SPTBN1: variants seen among roughly 807,000 people sequenced by gnomAD.
SPTBN1 encodes the protein spectrin beta, non-erythrocytic 1, also known as spectrin beta chain, non-erythrocytic 1.
Under a neutral mutation model 266.4 loss-of-function variants are expected in SPTBN1, and 32 were observed. That is an observed-to-expected ratio of 0.12 (90% CI 0.09 to 0.16). SPTBN1 has a LOEUF of 0.16. SPTBN1 is among the 10% of genes least tolerant of loss of function. The pLI, the probability that SPTBN1 is intolerant of heterozygous loss-of-function variation, is 1.00. For missense variants in SPTBN1, 2,296 were observed against 3,067.1 expected, an observed-to-expected ratio of 0.75 and a Z score of 5.94; for synonymous variants, 1,336 against 1,162.2, an observed-to-expected ratio of 1.15 and a Z score of -3.04.
In SPTBN1 at chr2:54,621,437, C is replaced by T. The variant is rs1677988667; in HGVS notation, c.801C>T (p.Ile267=). 1 of 1,613,948 alleles carries T rather than the reference C, an allele frequency of 6.2e-7. No individual in the cohort carries two copies. The highest frequency in any genetic ancestry group is 1.7e-5 in the Admixed American group (1 of 60,008). Residue 267 remains isoleucine, a synonymous_variant, in exon 8 of 36, where the codon ATC becomes ATT. Transcript: ENST00000356805. ...ACCATCCTGATGAGAAGTCCATAAT[C>T]ACTTATGTGGTGACTTATTACCACT... ...SVDHPDEKSI[I]TYVVTYYHYF...
intron 24 of SPTBN1, among the ~76,000 whole-genome samples, 181 bp from the exon 25 acceptor site, chr2:54,648,805 C>T (rs781176071): frequency 1.2e-4 from 18 of 152,158 alleles, no homozygotes; most frequent in Non-Finnish European, 2.5e-4. Flanking sequence ...TGGCTCTTCA[C>T]GACTTCAAAT....
At chr2:54,549,451 G>A (rs1431588162) in intron 2 of SPTBN1, among the ~76,000 whole-genome samples, 1 of 152,104 alleles carries the variant, frequency 6.6e-6, no homozygotes, top group South Asian at 2.1e-4. Context: ...TTTCTATTTC[G>A]GATCCTTTGG....
intron 1 of SPTBN1, among the ~76,000 whole-genome samples, chr2:54,490,666 C>T (rs1042265754): frequency 6.6e-6 from 1 of 152,202 alleles, no homozygotes; most frequent in East Asian, 1.9e-4. Flanking sequence ...CAAAGATGGG[C>T]TTGGGCTTCA....
In SPTBN1 at chr2:54,526,502, C is replaced by T. The variant is rs755148104; in HGVS notation, c.84C>T (p.Asp28=). Reference sequence around the variant, plus strand: ...ATGTCAACAACCGCTGGGATGTCGACGACTGGGACAATGAGAACAGCTCTG... The same window carrying T: ...ATGTCAACAACCGCTGGGATGTCGATGACTGGGACAATGAGAACAGCTCTG... The part of the protein sequence containing the change: ...YSDVNNRWDV[D]DWDNENSSAR... Residue 28 remains aspartate, a synonymous_variant, in exon 2 of 36, where the codon GAC becomes GAT. Coordinates refer to ENST00000356805, the MANE Select transcript of SPTBN1 (RefSeq NM_003128.3). 48 of 1,614,078 alleles carry T rather than the reference C, an allele frequency of 3.0e-5. No individual in the cohort carries two copies. Among genetic ancestry groups the T allele is most frequent in the South Asian group, 2.2e-4 (20 of 91,084 alleles).
intron 2 of SPTBN1, among the ~76,000 whole-genome samples, chr2:54,584,168 A>G (rs1675130282): frequency 6.6e-6 from 1 of 152,208 alleles, no homozygotes; most frequent in Non-Finnish European, 1.5e-5. Flanking sequence ...GCATTCAGTA[A>G]TATTATATGG....
chr2:54,456,641 G>T (rs1376795449), intron 1 of SPTBN1, 123 bp downstream of exon 1: 1 of 151,192 alleles, frequency 6.6e-6, no homozygotes, highest in Non-Finnish European at 1.5e-5. Context: ...GCCGCTGCCC[G>T]CCTGCCCTGC....
intron 32 of SPTBN1, chr2:54,661,386 A>G: frequency 1.0e-6 from 1 of 985,790 alleles, no homozygotes. Context: ...CTGTTTTGAT[A>G]TGTGTTCTCT....
intron 17 of SPTBN1, among the ~76,000 whole-genome samples, chr2:54,636,155 C>G (rs951693929): frequency 6.6e-6 from 1 of 152,040 alleles, no homozygotes; most frequent in Non-Finnish European, 1.5e-5. Flanking sequence ...TATGTATAAA[C>G]TATTTTCATT....
At chr2:54,513,510 A>C (rs973281466) in intron 1 of SPTBN1, among the ~76,000 whole-genome samples, 1 of 152,194 alleles carries the variant, frequency 6.6e-6, no homozygotes, top group Non-Finnish European at 1.5e-5. Flanking sequence ...GGGCAGTGAA[A>C]TGCCAAACTC....
At chr2:54,521,157 G>A (rs1670414554) in intron 1 of SPTBN1, among the ~76,000 whole-genome samples, 2 of 152,226 alleles carry the variant, frequency 1.3e-5, no homozygotes, top group Admixed American at 6.5e-5. Context: ...CTAGTCCCAT[G>A]TGGAAGTGGG....
At chr2:54,637,930 C>T (rs1226030283) in intron 18 of SPTBN1, 127 bp downstream of exon 18, 7 of 736,298 alleles carry the variant, frequency 9.5e-6, no homozygotes, top group Middle Eastern at 2.4e-4. Context: ...CCATTTGACT[C>T]GCAGGCAGGG....
chr2:54,664,484 T>G lies in SPTBN1; in HGVS notation c.6452T>G (p.Val2151Gly). The G allele has an allele frequency of 6.2e-7, 1 of 1,613,606 alleles. No individual in the cohort carries two copies. Among genetic ancestry groups the G allele is most frequent in the Non-Finnish European group, 8.5e-7 (1 of 1,179,686 alleles). ...GAAACGGTGGACACAAGCGAAATGG[T>G]CAACGGCGCTACAGAACAAAGGACG... is the stretch of plus-strand genomic sequence containing the variant. ...MAETVDTSEMVNGATEQRTSS... is the reference protein window; with the variant it reads ...MAETVDTSEMGNGATEQRTSS... The change falls in exon 33 of 36, where the codon GTC becomes GGC. Residue 2151 changes from valine to glycine, a missense_variant. By Grantham distance (109) the Val-to-Gly change is moderately radical. Transcript: ENST00000356805. This position sits in a 1 kb window ranked among gnomAD's most constrained non-coding sequence, Gnocchi z 5.6.
intron 2 of SPTBN1, among the ~76,000 whole-genome samples, chr2:54,577,193 A>G (rs1174299430): frequency 6.6e-6 from 1 of 152,060 alleles, no homozygotes; most frequent in African/African-American, 2.4e-5. Context: ...TGTTGGTTAA[A>G]TGACCTTGGA....
chr2:54,471,364 G>A (rs889390755), intron 1 of SPTBN1, among the ~76,000 whole-genome samples: 2 of 152,140 alleles, frequency 1.3e-5, no homozygotes, highest in African/African-American at 4.8e-5. Flanking sequence ...TCTTTGGGCA[G>A]TAAGGCATGA....
intron 2 of SPTBN1, chr2:54,529,305 T>C (rs766330700): frequency 2.0e-5 from 10 of 501,562 alleles, no homozygotes; most frequent in Non-Finnish European, 3.0e-5. Flanking sequence ...TCAAACCCAG[T>C]AGAGTTACCT....
intron 2 of SPTBN1, among the ~76,000 whole-genome samples, chr2:54,531,620 T>TA (rs1338291998): frequency 1.3e-5 from 2 of 151,678 alleles, no homozygotes; most frequent in Non-Finnish European, 2.9e-5. Context: ...TTTTTTTTTT[T>TA]AATGTAGAAA....
intron 1 of SPTBN1, among the ~76,000 whole-genome samples, chr2:54,474,425 T>G (rs1667703258): frequency 6.6e-6 from 1 of 151,786 alleles, no homozygotes; most frequent in Non-Finnish European, 1.5e-5. Flanking sequence ...GGGCCCACTT[T>G]GTGACCCTGA....
rs371201016 is a variant in SPTBN1, at chr2:54,558,810, G to T, written c.148+32244G>T. On this transcript the variant is annotated intron_variant, in intron 2 of 35. Transcript: ENST00000356805. The surrounding 1 kb of genome is among the most constrained non-coding windows in gnomAD (Gnocchi z 4.6). ...TTGCAGAGGACGTCTAGTATCTCCG[G>T]GCCGCTGTCGCCGGCGTACACGGGG... 9.9e-6 allele frequency: 16 copies of T among 1,613,858 alleles called. No homozygotes were observed. The highest frequency in any genetic ancestry group is 1.2e-5 in the Non-Finnish European group (14 of 1,179,840).
chr2:54,490,407 C>T (rs1238204022), intron 1 of SPTBN1, among the ~76,000 whole-genome samples: 1 of 152,146 alleles, frequency 6.6e-6, no homozygotes, highest in Non-Finnish European at 1.5e-5. Context: ...TTTCTAAATT[C>T]AGAAAGTATT....
Sources: gnomAD v4.1 joint callset for allele counts (sites outside exome capture counted in the v4.1 genomes callset) on GRCh38, gnomAD v4.1.1 for gene constraint, Gnocchi (gnomAD v3.1) non-coding constraint, MANE v1.5 for transcripts, NCBI Gene and HGNC (gene_info 2026-07-23, HGNC 2026-07-21) for gene names.